Variants in CNDP1 observed in about 807,000 individuals in gnomAD.
The protein encoded by CNDP1 is carnosine dipeptidase 1.
A neutral mutation model predicts 58.1 loss-of-function variants in CNDP1; 44 were observed. The ratio of observed to expected loss-of-function variants is 0.76; its 90% CI spans 0.60 to 0.97. The LOEUF (loss-of-function observed/expected upper bound fraction) is 0.97. Ranked by LOEUF, CNDP1 falls within the 50% of genes least tolerant of loss-of-function variation. The pLI is 0.00. For synonymous variants in CNDP1, 254 were observed against 252.6 expected (o/e 1.01, Z -0.05); for missense variants, 616 against 655.1 (o/e 0.94, Z 0.65).
intron 11 of CNDP1, chr18:74,584,145 G>A (rs920545606): frequency 3.0e-6 from 1 of 328,062 alleles, no homozygotes; most frequent in Non-Finnish European, 5.7e-6. Context: ...AGGCTATTAG[G>A]AATGTTTGCT....
intron 1 of CNDP1, among the ~76,000 whole-genome samples, chr18:74,540,512 T>G (rs1400023289): frequency 6.6e-6 from 1 of 152,176 alleles, no homozygotes; most frequent in Non-Finnish European, 1.5e-5. Context: ...GCACCCTGCC[T>G]CAGCCTGGCC....
chr18:74,558,466 C>T (rs551366511), intron 2 of CNDP1, among the ~76,000 whole-genome samples: 135 of 135,350 alleles, frequency 1.0e-3, no homozygotes, highest in African/African-American at 3.3e-3. Flanking sequence ...ACGATCTTGG[C>T]ACACTGCAAG....
intron 9 of CNDP1, among the ~76,000 whole-genome samples, chr18:74,579,188 T>TTCCCTTGCCTTCCCTTCCCTTC (rs1568300947): frequency 8.4e-6 from 1 of 118,420 alleles, no homozygotes; most frequent in Non-Finnish European, 1.8e-5. Context: ...CTTCTCCCTT[T>TTCCCTTGCCTTCCCTTCCCTTC]CCTTCCCTTC....
chr18:74,552,550 A>G (rs547823426), intron 1 of CNDP1, among the ~76,000 whole-genome samples: 12 of 152,348 alleles, frequency 7.9e-5, no homozygotes, highest in South Asian at 4.1e-4. Flanking sequence ...ACTTAGCACA[A>G]TGTGTTCAAA....
At chr18:74,553,213 C>A (rs1168078656) in intron 1 of CNDP1, among the ~76,000 whole-genome samples, 1 of 152,210 alleles carries the variant, frequency 6.6e-6, no homozygotes, top group African/African-American at 2.4e-5. Flanking sequence ...TCCCTCCCCC[C>A]ACATTCTACG....
chr18:74,564,691 C>A (rs1981283082), intron 5 of CNDP1, among the ~76,000 whole-genome samples: 2 of 152,170 alleles, frequency 1.3e-5, no homozygotes, highest in Admixed American at 1.3e-4. Context: ...ATAGAATTTG[C>A]TTTTCTGTAG....
intron 6 of CNDP1, among the ~76,000 whole-genome samples, chr18:74,569,896 A>G (rs1981427678): frequency 6.6e-6 from 1 of 152,022 alleles, no homozygotes; most frequent in Non-Finnish European, 1.5e-5. Context: ...TACCATCAAG[A>G]GAGAAGGAGC....
intron 6 of CNDP1, among the ~76,000 whole-genome samples, chr18:74,568,248 AAC>A (rs1005926308): frequency 4.3e-4 from 66 of 152,324 alleles, no homozygotes; most frequent in African/African-American, 1.6e-3. Context: ...CATACACGGA[AAC>A]ACACATGGCT....
intron 3 of CNDP1, 98 bp from the exon 4 acceptor site, chr18:74,560,758 T>C (rs1306167674): frequency 9.1e-7 from 1 of 1,104,030 alleles, no homozygotes; most frequent in Non-Finnish European, 1.4e-6. Flanking sequence ...ATGCTCAGTT[T>C]CTCCCAATGT....
At chr18:74,540,349 G>C (rs1300317960) in intron 1 of CNDP1, among the ~76,000 whole-genome samples, 1 of 152,046 alleles carries the variant, frequency 6.6e-6, no homozygotes, top group Non-Finnish European at 1.5e-5. Context: ...AATAGAGGCA[G>C]GGGTTTCACC....
intron 7 of CNDP1, among the ~76,000 whole-genome samples, chr18:74,574,146 T>A (rs1158260024): frequency 1.3e-5 from 2 of 152,246 alleles, no homozygotes; most frequent in African/African-American, 4.8e-5. Flanking sequence ...CTAGTCAGGA[T>A]GTGGGAATCC....
At position 74,579,188 on chromosome 18, in the gene CNDP1, T is replaced by C. The variant is rs9948659; in HGVS notation, c.1167+861T>C. On this transcript the variant is annotated intron_variant, in intron 9 of 11. Coordinates refer to ENST00000358821, the MANE Select transcript of CNDP1 (RefSeq NM_032649.6). ...CTCTCTCCCTTCTCCCTTCTCCCTT[T>C]CCTTCCCTTCCCTTGCCTTCCCTTC... is the stretch of plus-strand genomic sequence containing the variant. Among the ~76,000 whole-genome samples, 817 of 118,466 alleles carry C rather than the reference T, an allele frequency of 6.9e-3. 8 individuals are homozygous for C. The highest frequency in any genetic ancestry group is 0.022 in the African/African-American group (655 of 29,388). 77.7% of individuals were successfully genotyped at this position (118,466 alleles called of 152,430 possible).
At chr18:74,573,638 A>G (rs1472582380) in intron 7 of CNDP1, among the ~76,000 whole-genome samples, 2 of 152,186 alleles carry the variant, frequency 1.3e-5, no homozygotes, top group Admixed American at 1.3e-4. Context: ...AATTTTGGGG[A>G]GTGGAGGTTA....
rs1476248664 is a variant in CNDP1 at position 74,578,017 on chromosome 18, A to G, written c.1003-146A>G. 6 of 660,548 alleles carry G rather than the reference A, an allele frequency of 9.1e-6. No homozygotes were observed. The East Asian group carries it at 1.7e-4, about 18-fold the overall frequency. 40.9% of individuals were successfully genotyped at this position (660,548 alleles called of 1,614,324 possible). A position where few individuals can be genotyped will look rare whatever the true frequency, so the allele number is the denominator to read the frequency against. ...GCAGAGAGTTTGTGTCCTGAGGAAA[A>G]AGTCCTTGCGTGAGGCACAGCTGAG... is the stretch of plus-strand genomic sequence containing the variant. On this transcript the variant is annotated intron_variant, in intron 8 of 11. Transcript: ENST00000358821.
intron 7 of CNDP1, among the ~76,000 whole-genome samples, chr18:74,571,820 T>C (rs545996110): frequency 6.6e-6 from 1 of 152,302 alleles, no homozygotes; most frequent in Non-Finnish European, 1.5e-5. Flanking sequence ...CTGCACCTTG[T>C]AGCATGTGGG....
At chr18:74,573,887 G>A (rs982117789) in intron 7 of CNDP1, among the ~76,000 whole-genome samples, 13 of 97,482 alleles carry the variant, frequency 1.3e-4, no homozygotes, top group Non-Finnish European at 2.4e-4. Flanking sequence ...TTTAGTTCTT[G>A]ATACAAATCA....
At chr18:74,540,505 C>A (rs1037372436) in intron 1 of CNDP1, among the ~76,000 whole-genome samples, 1 of 152,156 alleles carries the variant, frequency 6.6e-6, no homozygotes, top group Non-Finnish European at 1.5e-5. Flanking sequence ...GGAATGGGCA[C>A]CCTGCCTCAG....
Position 74,584,528 on chromosome 18 carries a change from C to T in CNDP1, c.1490C>T (p.Ala497Val), listed in dbSNP as rs779724148. Residue 497 changes from alanine to valine, a missense_variant, in exon 12 of 12, where the codon GCT becomes GTT. Physicochemically the swap from Ala to Val is moderately conservative, Grantham distance 64 (BLOSUM62 0). Transcript: ENST00000358821. ...TACATAGAGGGAACCAAATTATTTG[C>T]TGCCTTTTTCTTAGAGATGGCCCAG... ...WNYIEGTKLF[A>V]AFFLEMAQLH The T allele has an allele frequency of 5.0e-6, 8 of 1,613,780 alleles. No homozygotes were observed. In the East Asian group the frequency reaches 1.3e-4, roughly 27 times the overall value.
chr18:74,568,625 C>A (rs546457667), intron 6 of CNDP1, among the ~76,000 whole-genome samples: 39 of 152,248 alleles, frequency 2.6e-4, no homozygotes, highest in African/African-American at 8.7e-4. Flanking sequence ...AAGAAAATAA[C>A]CTCTTCTGTG....
Sources: allele counts gnomAD v4.1 joint callset (sites outside exome capture counted in the v4.1 genomes callset), GRCh38; gene constraint gnomAD v4.1.1; transcripts MANE v1.5; gene names NCBI Gene and HGNC (gene_info 2026-07-23, HGNC 2026-07-21).